FRMD4B: variants seen among roughly 807,000 people sequenced by gnomAD.
The protein encoded by FRMD4B is FERM domain-containing protein 4B.
Under a neutral mutation model 141.5 loss-of-function variants are expected in FRMD4B, and 74 were observed. The observed-to-expected ratio is 0.52, with a 90% CI of 0.43 to 0.63. FRMD4B has a LOEUF of 0.63. Ranked by LOEUF, FRMD4B falls within the 30% of genes least tolerant of loss-of-function variation. The probability of loss-of-function intolerance (pLI) is 0.00; values close to 1 mark genes in which losing one functional copy is unlikely to be tolerated. For synonymous variants in FRMD4B, 506 were observed against 467.9 expected, an observed-to-expected ratio of 1.08 and a Z score of -1.05; for missense variants, 1,366 against 1,253.4, an observed-to-expected ratio of 1.09 and a Z score of -1.36.
intron 7 of FRMD4B, among the ~76,000 whole-genome samples, chr3:69,235,193 A>G (rs1445789731): frequency 6.9e-6 from 1 of 145,432 alleles, no homozygotes; most frequent in East Asian, 2.0e-4. Context: ...TAATAATAAT[A>G]ATAATATTTT....
chr3:69,199,793 C>T (rs1406767728), intron 11 of FRMD4B, among the ~76,000 whole-genome samples: 1 of 152,214 alleles, frequency 6.6e-6, no homozygotes, highest in Non-Finnish European at 1.5e-5. Flanking sequence ...TAGCAATGTG[C>T]ATTTGAAAAC....
chr3:69,242,401 A>G (rs1031784650), intron 7 of FRMD4B, among the ~76,000 whole-genome samples: 13 of 150,646 alleles, frequency 8.6e-5, no homozygotes, highest in African/African-American at 2.4e-4. Flanking sequence ...AAATTTCTTG[A>G]AAGTGTTTTT....
intron 1 of FRMD4B, among the ~76,000 whole-genome samples, chr3:69,343,583 T>G (rs112858897): frequency 6.3e-4 from 27 of 42,860 alleles, no homozygotes; most frequent in African/African-American, 1.6e-3. Context: ...TTTTGTTTTT[T>G]TTTTTTTTTT....
chr3:69,504,868 T>C (rs1706569650), intron 1 of FRMD4B, among the ~76,000 whole-genome samples: 1 of 152,234 alleles, frequency 6.6e-6, no homozygotes, highest in South Asian at 2.1e-4. Context: ...CACTTTCAAT[T>C]AAAGCTTTAT....
chr3:69,331,422 A>G (rs895667906), intron 1 of FRMD4B, among the ~76,000 whole-genome samples: 3 of 152,160 alleles, frequency 2.0e-5, no homozygotes, highest in African/African-American at 7.2e-5. Context: ...CTAGCTGGTG[A>G]CTTTAGGCAA....
chr3:69,286,357 C>T (rs930129020), intron 5 of FRMD4B, among the ~76,000 whole-genome samples: 7 of 152,180 alleles, frequency 4.6e-5, no homozygotes, highest in Admixed American at 4.6e-4. Flanking sequence ...TGTATGACAT[C>T]AATCGCATAA....
chr3:69,283,619 C>A (rs1357808239), intron 5 of FRMD4B, among the ~76,000 whole-genome samples: 1 of 152,128 alleles, frequency 6.6e-6, no homozygotes, highest in African/African-American at 2.4e-5. Context: ...ACAGAGAAAA[C>A]ACTTGATCAA....
intron 1 of FRMD4B, among the ~76,000 whole-genome samples, chr3:69,447,628 G>A (rs1705429078): frequency 6.6e-6 from 1 of 152,114 alleles, no homozygotes; most frequent in African/African-American, 2.4e-5. Context: ...TCAAGTCAGG[G>A]TATTTAGAAG....
chr3:69,401,161 T>G (rs1458733837), intron 2 of FRMD4B, among the ~76,000 whole-genome samples: 1 of 152,234 alleles, frequency 6.6e-6, no homozygotes, highest in Non-Finnish European at 1.5e-5. Flanking sequence ...TAGATTATGT[T>G]CAGGCTGAAG....
chr3:69,368,153 C>A (rs576611775), intron 1 of FRMD4B, among the ~76,000 whole-genome samples: 1 of 152,270 alleles, frequency 6.6e-6, no homozygotes, highest in East Asian at 1.9e-4. Context: ...ACATGGCACT[C>A]TCCCATTTAA....
intron 1 of FRMD4B, among the ~76,000 whole-genome samples, chr3:69,451,175 A>G (rs1484695166): frequency 1.3e-5 from 2 of 152,178 alleles, no homozygotes; most frequent in African/African-American, 4.8e-5. Flanking sequence ...GTGTGATTTT[A>G]TCATAGCCAG....
chr3:69,232,977 C>G, intron 7 of FRMD4B, among the ~76,000 whole-genome samples: 1 of 148,612 alleles, frequency 6.7e-6, no homozygotes, highest in South Asian at 2.1e-4. Context: ...GTTTCAAACC[C>G]TTGGGCTCAA....
intron 7 of FRMD4B, among the ~76,000 whole-genome samples, chr3:69,230,132 C>T (rs558228286): frequency 3.1e-4 from 47 of 152,060 alleles, no homozygotes; most frequent in South Asian, 6.2e-4. Flanking sequence ...CCCTCCGCCA[C>T]GCCTGGCTAA....
At chr3:69,504,361 T>C (rs1321050713) in intron 1 of FRMD4B, among the ~76,000 whole-genome samples, 1 of 152,198 alleles carries the variant, frequency 6.6e-6, no homozygotes, top group Admixed American at 6.5e-5. Context: ...ACTTAAAGTG[T>C]ACAATTCAAT....
intron 2 of FRMD4B, among the ~76,000 whole-genome samples, chr3:69,408,989 G>A (rs1371521209): frequency 6.6e-6 from 1 of 152,106 alleles, no homozygotes; most frequent in Admixed American, 6.6e-5. Context: ...CCACCTTAAG[G>A]CTTGGCTTGG....
chr3:69,536,736 A>T (rs1402256061), intron 1 of FRMD4B: 2 of 604,496 alleles, frequency 3.3e-6, no homozygotes, highest in Admixed American at 5.7e-5. Flanking sequence ...GGACTTCCTC[A>T]GTTTAATTTT....
At chr3:69,271,897 T>C (rs1461073797) in intron 5 of FRMD4B, among the ~76,000 whole-genome samples, 10 of 151,884 alleles carry the variant, frequency 6.6e-5, no homozygotes, top group African/African-American at 2.4e-4. Context: ...ATTGCTTGAA[T>C]CTGGGAGGCG....
Position 69,287,793 on chromosome 3 carries a change from C to T in FRMD4B, c.460G>A (p.Val154Met), listed in dbSNP as rs577098184. The change falls in exon 5 of 23, where the codon GTG becomes ATG. Residue 154 changes from valine to methionine, a missense_variant. Val to Met is a conservative substitution (Grantham distance 21). Coordinates refer to ENST00000398540, the MANE Select transcript of FRMD4B (RefSeq NM_015123.3). ...SISFLKDKTT[V>M]ELFFLNAKAC... is the part of the protein sequence containing the mutation. ...TTTGCATTCAGGAAAAACAGCTCCA[C>T]GGTGGTTTTATCCTTTAAAAACGAT... The T allele has an allele frequency of 3.6e-5, 57 of 1,604,890 alleles. No homozygotes were observed. Among genetic ancestry groups the T allele is most frequent in the Admixed American group, 2.0e-4 (12 of 59,592 alleles).
At chr3:69,174,749 A>G (rs1285780133) in intron 22 of FRMD4B, among the ~76,000 whole-genome samples, 3 of 152,218 alleles carry the variant, frequency 2.0e-5, no homozygotes, top group African/African-American at 7.2e-5. Context: ...GGATATGAGA[A>G]CTGAGTAATG....
Sources: allele counts gnomAD v4.1 joint callset (sites outside exome capture counted in the v4.1 genomes callset), GRCh38; gene constraint gnomAD v4.1.1; transcripts MANE v1.5; gene names NCBI Gene and HGNC (gene_info 2026-07-23, HGNC 2026-07-21).